The following FRYL variants were observed in gnomAD, a reference collection of about 807,000 sequenced individuals.
FRYL encodes FRY like transcription coactivator.
Under a neutral mutation model 351.2 loss-of-function variants are expected in FRYL, and 150 were observed. The ratio of observed to expected loss-of-function variants is 0.43; its 90% CI spans 0.37 to 0.49. The LOEUF (loss-of-function observed/expected upper bound fraction) is 0.49. FRYL is among the 20% of genes least tolerant of loss of function. The pLI is 0.00. For synonymous variants in FRYL, 1,153 were observed against 1,257.1 expected (o/e 0.92, Z 1.75); for missense variants, 3,036 against 3,619.3 (o/e 0.84, Z 4.13).
intron 1 of FRYL, among the ~76,000 whole-genome samples, chr4:48,778,224 TTCTC>T (rs1776229747): frequency 6.6e-6 from 1 of 152,196 alleles, no homozygotes; most frequent in African/African-American, 2.4e-5. Context: ...CCCAAGTAGT[TTCTC>T]TATTGTTACT....
chr4:48,665,195 T>C (rs544748427), intron 3 of FRYL, among the ~76,000 whole-genome samples: 1 of 152,342 alleles, frequency 6.6e-6, no homozygotes, highest in Admixed American at 6.5e-5. Flanking sequence ...TATTCATTAA[T>C]AGCCCAATTT....
chr4:48,622,745 GAGTTGTTAGA>G (rs774683779), intron 5 of FRYL, among the ~76,000 whole-genome samples: 23 of 152,186 alleles, frequency 1.5e-4, no homozygotes, highest in Admixed American at 3.3e-4. Flanking sequence ...ATCAGCACAA[GAGTTGTTAGA>G]CACCGGCATT....
In FRYL at chr4:48,599,310, T is replaced by C. The variant is rs1354094529; in HGVS notation, c.1035+2710A>G. On this transcript the variant is annotated intron_variant, in intron 13 of 63. Transcript: ENST00000358350. ...ACAAGCACCTAAATTGATATAGATA[T>C]AGGAATGGGAGAATACCAAATTCTG... Among the ~76,000 whole-genome samples, 9 of 152,188 alleles carry C rather than the reference T, an allele frequency of 5.9e-5. No individual in the cohort carries two copies. The East Asian group carries it at 9.6e-4, about 16-fold the overall frequency.
In FRYL at chr4:48,515,409, C is replaced by G. The variant is rs1459976921; in HGVS notation, c.7690-134G>C. 1.5e-5 allele frequency: 10 copies of G among 677,936 alleles called. No individual in the cohort carries two copies. In the East Asian group the frequency reaches 2.8e-4, roughly 19 times the overall value. 42.0% of individuals were successfully genotyped at this position (677,936 alleles called of 1,614,324 possible). A position where few individuals can be genotyped will look rare whatever the true frequency, so the allele number is the denominator to read the frequency against. The stretch of plus-strand genomic sequence containing the variant: ...TCATTTATACAGTCTGTCACCCAGG[C>G]TGGAGTGGAGTGCAATGGCGTGATC... On this transcript the variant is annotated intron_variant, in intron 55 of 63. Coordinates refer to ENST00000358350, the MANE Select transcript of FRYL (RefSeq NM_015030.2).
Position 48,768,497 on chromosome 4 carries a change from T to C in FRYL, c.-384+11581A>G, listed in dbSNP as rs559890660. On this transcript the variant is annotated intron_variant, in intron 1 of 63. Coordinates refer to ENST00000358350, the MANE Select transcript of FRYL (RefSeq NM_015030.2). The stretch of plus-strand genomic sequence containing the variant: ...GACCTAGGACTTGGTGAAGAGTCCA[T>C]AGACTTGACACAAAAAGTACAATTC... Among the ~76,000 whole-genome samples the C allele has an allele frequency of 1.1e-4, 16 of 152,228 alleles. 1 individual carries two copies. In the South Asian group the frequency reaches 1.9e-3, roughly 18 times the overall value.
chr4:48,707,940 C>T (rs1458481197), intron 2 of FRYL, among the ~76,000 whole-genome samples: 1 of 151,682 alleles, frequency 6.6e-6, no homozygotes, highest in African/African-American at 2.4e-5. Context: ...CCTGCCTCAG[C>T]CTCCCCAGTA....
At position 48,681,199 on chromosome 4, in the gene FRYL, T is replaced by A. The variant is rs772915284; in HGVS notation, c.-81+3474A>T. On this transcript the variant is annotated intron_variant, in intron 3 of 63. Transcript: ENST00000358350. ...CTATACCAACTTCCTTGATGAGAAG[T>A]TCAGGTACACTATTTGTGTCAAAGA... is the stretch of plus-strand genomic sequence containing the variant. 143 of 583,194 alleles carry A rather than the reference T, an allele frequency of 2.5e-4. 1 individual carries two copies. Among genetic ancestry groups the A allele is most frequent in the Non-Finnish European group, 3.2e-4 (138 of 426,598 alleles). The allele number at this position is 583,194 out of a possible 1,614,324, so 36.1% of individuals were successfully genotyped here. A position where few individuals can be genotyped will look rare whatever the true frequency, so the allele number is the denominator to read the frequency against.
At chr4:48,711,092 GGCCGAATAGGAACA>G (rs1767945249) in intron 1 of FRYL, among the ~76,000 whole-genome samples, 2 of 152,340 alleles carry the variant, frequency 1.3e-5, no homozygotes, top group East Asian at 3.9e-4. Context: ...GAGCCAAGAT[GGCCGAATAGGAACA>G]GCTCCGGTCT....
chr4:48,616,109 C>T (rs1749373247), intron 7 of FRYL, among the ~76,000 whole-genome samples: 1 of 151,944 alleles, frequency 6.6e-6, no homozygotes. Context: ...AGGAGAAATA[C>T]CTAATGTAGC....
intron 2 of FRYL, among the ~76,000 whole-genome samples, chr4:48,707,349 G>T (rs1228966672): frequency 1.3e-5 from 2 of 152,098 alleles, no homozygotes; most frequent in Non-Finnish European, 2.9e-5. Context: ...TTTTTTAAAA[G>T]GTCTTAAGGA....
In FRYL at chr4:48,634,331, T is replaced by C. The variant is rs1753817540; in HGVS notation, c.80A>G (p.Gln27Arg). The change falls in exon 4 of 64, where the codon CAA (glutamine) becomes CGA (arginine). Residue 27 changes from glutamine to arginine, a missense_variant. Physicochemically the swap from Gln to Arg is conservative, Grantham distance 43. Transcript: ENST00000358350. ...TACAACTTCAATTTTCTTTTCAGCTTGAACAGCAAATTCTGCAAAGAGGCT... is the reference window on the plus strand; with the variant it reads ...TACAACTTCAATTTTCTTTTCAGCTCGAACAGCAAATTCTGCAAAGAGGCT... ...IKSLFAEFAV[Q>R]AEKKIEVVMA... The C allele has an allele frequency of 1.2e-6, 2 of 1,613,758 alleles. No individual in the cohort carries two copies. Among genetic ancestry groups the C allele is most frequent in the Non-Finnish European group, 1.7e-6 (2 of 1,179,746 alleles).
rs766899322 is a variant in FRYL, at chr4:48,606,581, C to G, written c.598G>C (p.Val200Leu). The G allele has an allele frequency of 5.2e-5, 84 of 1,610,636 alleles. No homozygotes were observed. The highest frequency in any genetic ancestry group is 6.9e-5 in the Non-Finnish European group (81 of 1,177,714). ...SKFQAVRKKFVTELKELRQKE... is the reference protein window; with the variant it reads ...SKFQAVRKKFLTELKELRQKE... ...TGTCGCAGTTCTTTTAATTCTGTCA[C>G]AAACTTCTTCCTTACAGCCTGAAAC... The change falls in exon 10 of 64, where the codon GTG becomes CTG. Residue 200 changes from valine (V) to leucine (L), a missense_variant. Around this residue, in one of 7 missense-constraint regions of FRYL, gnomAD observed 457 missense variants for 566.6 expected, o/e 0.81. Coordinates refer to ENST00000358350, the MANE Select transcript of FRYL (RefSeq NM_015030.2).
chr4:48,626,390 T>G (rs554785595), intron 4 of FRYL, among the ~76,000 whole-genome samples: 1 of 152,252 alleles, frequency 6.6e-6, no homozygotes, highest in South Asian at 2.1e-4. Flanking sequence ...TTCATTTTAG[T>G]TTTTTGTTCT....
chr4:48,606,390 A>G, intron 10 of FRYL, 48 bp downstream of exon 10: 1 of 1,275,084 alleles, frequency 7.8e-7, no homozygotes, highest in Non-Finnish European at 1.1e-6. Flanking sequence ...ATGAAGAGCA[A>G]GGACTGTTAG....
chr4:48,545,999 A>G, intron 42 of FRYL, 68 bp downstream of exon 42: 1 of 1,408,448 alleles, frequency 7.1e-7, no homozygotes, highest in East Asian at 2.4e-5. Context: ...TATGGCTCAT[A>G]ATACCTGATC....
chr4:48,561,611 T>C lies in FRYL; in HGVS notation c.3722A>G (p.Tyr1241Cys), dbSNP rs550328202. The part of the protein sequence containing the change: ...LQILEPKMFR[Y>C]AHKLEVQRTD... ...TCTCTGAACCTCCAATTTGTGAGCATAGCGAAACATCTTCGGTTCCAGAAT... is the reference window on the plus strand; with the variant it reads ...TCTCTGAACCTCCAATTTGTGAGCACAGCGAAACATCTTCGGTTCCAGAAT... Residue 1241 changes from tyrosine to cysteine, a missense_variant, in exon 33 of 64, where the codon TAT (tyrosine) becomes TGT (cysteine). Tyr to Cys is a radical substitution (Grantham distance 194, BLOSUM62 -2). This residue lies in a region of FRYL where 1,987 missense variants were observed against 2,311.7 expected (regional missense o/e 0.86). Coordinates refer to ENST00000358350, the MANE Select transcript of FRYL (RefSeq NM_015030.2). 6.8e-6 allele frequency: 11 copies of C among 1,610,740 alleles called. No homozygotes were observed. The East Asian group carries it at 1.3e-4, about 20-fold the overall frequency.
At position 48,512,564 on chromosome 4, in the gene FRYL, G is replaced by A. The variant is rs373229077; in HGVS notation, c.8062C>T (p.Arg2688Cys). The A allele has an allele frequency of 2.8e-5, 45 of 1,613,984 alleles. No individual in the cohort carries two copies. The highest frequency in any genetic ancestry group is 9.9e-5 in the South Asian group (9 of 91,086). Reference protein sequence around the residue: ...VAYDDEEEAWRCHVNQMLSDT... With the variant: ...VAYDDEEEAWCCHVNQMLSDT... ...GACAGCATCTGATTGACGTGGCAGC[G>A]CCAGGCTTCCTCTTCATCATCATAT... The change falls in exon 57 of 64, where the codon CGC (arginine) becomes TGC (cysteine). Residue 2688 changes from arginine (R) to cysteine (C), a missense_variant. This residue lies in a region of FRYL where 1,987 missense variants were observed against 2,311.7 expected (regional missense o/e 0.86). Coordinates refer to ENST00000358350, the MANE Select transcript of FRYL (RefSeq NM_015030.2).
At chr4:48,563,342 G>A (rs949268318) in intron 31 of FRYL, among the ~76,000 whole-genome samples, 3 of 151,378 alleles carry the variant, frequency 2.0e-5, no homozygotes, top group Non-Finnish European at 4.4e-5. Flanking sequence ...TAAGCAAAAA[G>A]GTCCTCACAT....
At chr4:48,739,619 T>C (rs1413373607) in intron 1 of FRYL, among the ~76,000 whole-genome samples, 1 of 152,016 alleles carries the variant, frequency 6.6e-6, no homozygotes, top group Non-Finnish European at 1.5e-5. Flanking sequence ...TGAAAACTCC[T>C]AGAAGAAAAC....
Sources: gnomAD v4.1 joint callset for allele counts (sites outside exome capture counted in the v4.1 genomes callset) on GRCh38, gnomAD v4.1.1 for gene constraint, gnomAD v4.1.1 regional missense constraint, MANE v1.5 for transcripts, NCBI Gene and HGNC (gene_info 2026-07-23, HGNC 2026-07-21) for gene names.